PRKCA: variants seen among roughly 807,000 people sequenced by gnomAD.
The protein encoded by PRKCA is protein kinase C alpha type.
A neutral mutation model predicts 87.0 loss-of-function variants in PRKCA; 27 were observed. The ratio of observed to expected loss-of-function variants is 0.31; its 90% CI spans 0.23 to 0.43. PRKCA has a LOEUF of 0.43. PRKCA is among the 20% of genes least tolerant of loss of function. The pLI, the probability that PRKCA is intolerant of heterozygous loss-of-function variation, is 1.00. For missense variants in PRKCA, 518 were observed against 852.3 expected, an observed-to-expected ratio of 0.61 and a Z score of 4.88; for synonymous variants, 329 against 311.1, an observed-to-expected ratio of 1.06 and a Z score of -0.61.
intron 2 of PRKCA, among the ~76,000 whole-genome samples, chr17:66,484,607 A>G (rs1915921203): frequency 6.6e-6 from 1 of 152,204 alleles, no homozygotes; most frequent in Non-Finnish European, 1.5e-5. Flanking sequence ...AAAGAGTTTG[A>G]CCACATTTGT....
intron 2 of PRKCA, among the ~76,000 whole-genome samples, chr17:66,388,015 G>C (rs1910155947): frequency 6.6e-6 from 1 of 152,194 alleles, no homozygotes; most frequent in South Asian, 2.1e-4. Context: ...CTGGTGTGGA[G>C]TATCTCTTTT....
At chr17:66,493,772 A>C (rs750612000) in intron 2 of PRKCA, among the ~76,000 whole-genome samples, 20 of 152,182 alleles carry the variant, frequency 1.3e-4, no homozygotes, top group Admixed American at 7.9e-4. Context: ...GATGCTCAGT[A>C]AATGGTGCTG....
At chr17:66,418,133 T>C (rs1567818674) in intron 2 of PRKCA, among the ~76,000 whole-genome samples, 1 of 152,168 alleles carries the variant, frequency 6.6e-6, no homozygotes, top group East Asian at 1.9e-4. Context: ...CGTGCAGGTG[T>C]GAAGGAAGGA....
chr17:66,429,158 T>A (rs977253576), intron 2 of PRKCA, among the ~76,000 whole-genome samples: 2 of 152,156 alleles, frequency 1.3e-5, no homozygotes, highest in African/African-American at 4.8e-5. Flanking sequence ...TCTGACATAG[T>A]GCTTGGTATC....
chr17:66,701,152 G>T (rs1242671984), intron 8 of PRKCA, among the ~76,000 whole-genome samples: 2 of 152,144 alleles, frequency 1.3e-5, no homozygotes, highest in East Asian at 3.8e-4. Context: ...ACACATACGT[G>T]GTCAACTATC....
At chr17:66,570,636 C>T (rs1454221974) in intron 3 of PRKCA, among the ~76,000 whole-genome samples, 1 of 152,182 alleles carries the variant, frequency 6.6e-6, no homozygotes, top group East Asian at 1.9e-4. Context: ...TCTGCTTTAG[C>T]TCTTTTTCGG....
intron 2 of PRKCA, among the ~76,000 whole-genome samples, chr17:66,481,906 G>C (rs1292201913): frequency 1.3e-5 from 2 of 151,916 alleles, no homozygotes; most frequent in African/African-American, 4.8e-5. Flanking sequence ...TTCAAGACTA[G>C]CCTGGCCAAC....
intron 8 of PRKCA, among the ~76,000 whole-genome samples, chr17:66,729,792 T>TC (rs1343505585): frequency 1.4e-5 from 2 of 146,654 alleles, no homozygotes; most frequent in African/African-American, 5.1e-5. Context: ...TTTTTTTTTT[T>TC]TTTTTTTTTC....
At chr17:66,772,235 A>C (rs1471226425) in intron 13 of PRKCA, among the ~76,000 whole-genome samples, 1 of 152,210 alleles carries the variant, frequency 6.6e-6, no homozygotes, top group African/African-American at 2.4e-5. Context: ...TTCAGAAAAG[A>C]ATGTGCAGAA....
intron 2 of PRKCA, among the ~76,000 whole-genome samples, chr17:66,342,471 TAATAATA>T (rs1907105830): frequency 3.5e-5 from 5 of 141,596 alleles, no homozygotes; most frequent in African/African-American, 1.3e-4. Context: ...ATAATAATAA[TAATAATA>T]ATAATAAATT....
At chr17:66,318,018 C>T (rs1905416002) in intron 2 of PRKCA, among the ~76,000 whole-genome samples, 3 of 152,158 alleles carry the variant, frequency 2.0e-5, no homozygotes, top group African/African-American at 7.2e-5. Context: ...AGAAGTTGTA[C>T]ATGGATGACT....
chr17:66,733,474 G>T (rs1168391127), intron 9 of PRKCA, among the ~76,000 whole-genome samples: 1 of 152,198 alleles, frequency 6.6e-6, no homozygotes, highest in African/African-American at 2.4e-5. Flanking sequence ...TGTTCACTTT[G>T]GGGTGGGGAC....
At chr17:66,530,905 A>T (rs1384246677) in intron 3 of PRKCA, among the ~76,000 whole-genome samples, 1 of 152,148 alleles carries the variant, frequency 6.6e-6, no homozygotes, top group Non-Finnish European at 1.5e-5. Context: ...GGTATGGATT[A>T]AACAGCCACC....
At chr17:66,554,239 GA>G (rs11290369) in intron 3 of PRKCA, among the ~76,000 whole-genome samples, 15,825 of 138,708 alleles carry the variant, frequency 0.11, 956 homozygotes, top group African/African-American at 0.18. Context: ...CCGTCTCTAT[GA>G]AAAAAAAAAA....
chr17:66,680,186 A>G (rs911269044), intron 5 of PRKCA, among the ~76,000 whole-genome samples: 2 of 152,102 alleles, frequency 1.3e-5, no homozygotes, highest in African/African-American at 4.8e-5. Context: ...TTTTGCATTC[A>G]CATTTCTTTT....
intron 3 of PRKCA, among the ~76,000 whole-genome samples, chr17:66,580,120 T>C (rs928749016): frequency 3.3e-5 from 5 of 152,190 alleles, no homozygotes; most frequent in African/African-American, 1.2e-4. Context: ...GATGTTTCAT[T>C]GGGTAATTTA....
At chr17:66,473,444 C>T (rs77118198) in intron 2 of PRKCA, among the ~76,000 whole-genome samples, 39 of 152,332 alleles carry the variant, frequency 2.6e-4, no homozygotes, top group African/African-American at 9.1e-4. Flanking sequence ...TCCAGCCCTT[C>T]CCTTGTAACA....
At chr17:66,690,430 G>A (rs1378515130) in intron 8 of PRKCA, among the ~76,000 whole-genome samples, 11 of 152,278 alleles carry the variant, frequency 7.2e-5, no homozygotes, top group African/African-American at 2.6e-4. Flanking sequence ...TCACAGGCGA[G>A]TCCAGGCCCT....
At chr17:66,465,207 CT>C (rs1239202476) in intron 2 of PRKCA, among the ~76,000 whole-genome samples, 6 of 152,076 alleles carry the variant, frequency 3.9e-5, no homozygotes, top group African/African-American at 7.2e-5. Context: ...TTTAATTTAT[CT>C]TTTATGTCTA....
Sources: gnomAD v4.1 joint callset for allele counts (sites outside exome capture counted in the v4.1 genomes callset) on GRCh38, gnomAD v4.1.1 for gene constraint, MANE v1.5 for transcripts, NCBI Gene and HGNC (gene_info 2026-07-23, HGNC 2026-07-21) for gene names.